Variants in LINGO2 observed in about 807,000 individuals in gnomAD.
The protein encoded by LINGO2 is leucine rich repeat and Ig domain containing 2, also known as leucine-rich repeat and immunoglobulin-like domain-containing nogo receptor-interacting protein 2.
In LINGO2, 14 loss-of-function variants were observed where a neutral mutation model predicts 30.6. The observed-to-expected ratio is 0.46, with a 90% confidence interval of 0.30 to 0.72. The LOEUF (loss-of-function observed/expected upper bound fraction) is 0.72, where lower values mean the gene tolerates loss of function less well. LINGO2 is among the 30% of genes least tolerant of loss of function. The pLI, the probability that LINGO2 is intolerant of heterozygous loss-of-function variation, is 0.07. For synonymous variants in LINGO2, 317 were observed against 288.5 expected (o/e 1.10, Z -1.00); for missense variants, 729 against 751.7 (o/e 0.97, Z 0.35).
At chr9:28,991,895 C>A in the LINGO2 span, among the ~76,000 whole-genome samples, 18,468 of 151,742 alleles carry the variant, frequency 0.12, 1,110 homozygotes, top group South Asian at 0.16. Context: ...CAATCGGTAC[C>A]AGCCACTGCA....
the LINGO2 span, among the ~76,000 whole-genome samples, chr9:28,834,973 T>A: frequency 1.3e-5 from 2 of 152,188 alleles, no homozygotes; most frequent in Non-Finnish European, 2.9e-5. Context: ...AATAAATGTC[T>A]TTTTAAATGA....
chr9:28,031,626 C>T (rs965134017), intron 4 of LINGO2, among the ~76,000 whole-genome samples: 4 of 152,094 alleles, frequency 2.6e-5, no homozygotes, highest in African/African-American at 9.7e-5. Flanking sequence ...TGGTGTCTGC[C>T]ACACAACATT....
At chr9:29,163,182 C>A in the LINGO2 span, among the ~76,000 whole-genome samples, 5 of 152,158 alleles carry the variant, frequency 3.3e-5, no homozygotes, top group South Asian at 1.0e-3. Flanking sequence ...AAAATGTCAT[C>A]TTTGCCAGAA....
rs1235021232 is a variant in LINGO2 at position 28,372,560 on chromosome 9, G to A, written c.-246+276C>T. On this transcript the variant is annotated intron_variant, in intron 3 of 5. Transcript: ENST00000379992. ...AGGGTACAAAATTTCAGTTAGACAA[G>A]AAGAATAGGCTTTTTTTCTTGTTAG... is the stretch of plus-strand genomic sequence containing the variant. Among the ~76,000 whole-genome samples the A allele has an allele frequency of 2.0e-5, 3 of 151,892 alleles. No homozygotes were observed. The East Asian group carries it at 5.9e-4, about 30-fold the overall frequency.
chr9:28,042,728 T>G (rs1824250366), intron 4 of LINGO2, among the ~76,000 whole-genome samples: 2 of 152,190 alleles, frequency 1.3e-5, no homozygotes, highest in South Asian at 4.1e-4. Flanking sequence ...TTCATTCATG[T>G]TCTGCAATCA....
chr9:28,290,098 C>CT lies in LINGO2; in HGVS notation c.-87+5109dup, dbSNP rs1564098898. ...TCTCCATCATTCTTCTGCATTACAT[C>CT]TTTTTTTAAGTGAGGGAACCAAAGC... On this transcript the variant is annotated intron_variant, in intron 4 of 5. Coordinates refer to ENST00000379992, the Ensembl canonical transcript of LINGO2. Among the ~76,000 whole-genome samples, 3 of 152,258 alleles carry CT rather than the reference C, an allele frequency of 2.0e-5. No individual in the cohort carries two copies. In the Middle Eastern group the frequency reaches 0.01, roughly 518 times the overall value.
chr9:27,951,234 G>A lies in LINGO2; in HGVS notation c.-35-528C>T, dbSNP rs142307979. ...AACAAACTTATATTCAGTGCAAGGT[G>A]TTGGAATGTTTTTCTTCATGTATAC... is the stretch of plus-strand genomic sequence containing the variant. On this transcript the variant is annotated intron_variant, in intron 5 of 5. Transcript: ENST00000379992. 4.0e-3 allele frequency among the ~76,000 whole-genome samples: 607 copies of A among 152,296 alleles called. 5 individuals are homozygous for A. Among genetic ancestry groups the A allele is most frequent in the Non-Finnish European group, 7.0e-3 (478 of 68,012 alleles).
chr9:28,557,093 A>G (rs553831338), intron 1 of LINGO2, among the ~76,000 whole-genome samples: 7,767 of 152,138 alleles, frequency 0.051, 215 homozygotes, highest in Non-Finnish European at 0.056. Context: ...ATGGGCAAGG[A>G]CTTCATGTCT....
chr9:28,292,857 G>T (rs1338662524), intron 4 of LINGO2, among the ~76,000 whole-genome samples: 1 of 151,870 alleles, frequency 6.6e-6, no homozygotes, highest in East Asian at 2.0e-4. Context: ...TGCAAGCTCT[G>T]CCTCCCGGGT....
At chr9:28,364,722 CAAGAA>C (rs1820591272) in intron 3 of LINGO2, among the ~76,000 whole-genome samples, 3 of 152,160 alleles carry the variant, frequency 2.0e-5, no homozygotes, top group Admixed American at 2.0e-4. Flanking sequence ...TATAATTCAA[CAAGAA>C]AAGAGTCTAT....
At chr9:28,286,361 G>A (rs1215452523) in intron 4 of LINGO2, among the ~76,000 whole-genome samples, 1 of 152,054 alleles carries the variant, frequency 6.6e-6, no homozygotes, top group African/African-American at 2.4e-5. Flanking sequence ...ACTATTAGAG[G>A]AAGTTTAAAT....
intron 4 of LINGO2, among the ~76,000 whole-genome samples, chr9:28,127,480 C>G (rs1283502207): frequency 6.6e-6 from 1 of 152,096 alleles, no homozygotes; most frequent in East Asian, 1.9e-4. Context: ...TACATACTAC[C>G]CTAAAGAACT....
At chr9:28,233,002 A>C (rs1342879094) in intron 4 of LINGO2, among the ~76,000 whole-genome samples, 1 of 145,204 alleles carries the variant, frequency 6.9e-6, no homozygotes, top group Non-Finnish European at 1.5e-5. Flanking sequence ...TTAAGGGCTT[A>C]TACTTCTCAT....
the LINGO2 span, among the ~76,000 whole-genome samples, chr9:29,190,281 A>G: frequency 6.6e-6 from 1 of 152,170 alleles, no homozygotes; most frequent in African/African-American, 2.4e-5. Context: ...AAGTGTACAA[A>G]ATATATGATT....
intron 2 of LINGO2, among the ~76,000 whole-genome samples, chr9:28,470,454 G>T (rs113492331): frequency 1.6e-4 from 24 of 152,206 alleles, no homozygotes; most frequent in African/African-American, 5.8e-4. Context: ...TACATAGCTC[G>T]CCAGAGGAAA....
chr9:29,152,494 G>A, the LINGO2 span, among the ~76,000 whole-genome samples: 1 of 152,118 alleles, frequency 6.6e-6, no homozygotes, highest in Non-Finnish European at 1.5e-5. Context: ...GAACTAAATT[G>A]TGTCCTCCTT....
the LINGO2 span, among the ~76,000 whole-genome samples, chr9:28,869,915 T>C: frequency 2.6e-5 from 4 of 151,504 alleles, no homozygotes; most frequent in African/African-American, 9.7e-5. Context: ...TCCCCTTACA[T>C]AAAAATGTCT....
chr9:29,093,281 AT>A, the LINGO2 span, among the ~76,000 whole-genome samples: 3 of 133,102 alleles, frequency 2.3e-5, 1 homozygote, highest in East Asian at 7.6e-4. Context: ...CATCACAATA[AT>A]TTTTTCAAGA....
At chr9:28,945,148 C>A in the LINGO2 span, among the ~76,000 whole-genome samples, 1 of 152,072 alleles carries the variant, frequency 6.6e-6, no homozygotes, top group African/African-American at 2.4e-5. Flanking sequence ...AAGATTGGCC[C>A]TATCGTTTTC....
Sources: gnomAD v4.1 joint callset for allele counts (sites outside exome capture counted in the v4.1 genomes callset) on GRCh38, gnomAD v4.1.1 for gene constraint, MANE v1.5 for transcripts, NCBI Gene and HGNC (gene_info 2026-07-23, HGNC 2026-07-21) for gene names.